Variants in LY75 observed in about 807,000 individuals in gnomAD.
LY75 encodes C-type lectin domain family 13 member B.
LY75 carries 185 observed loss-of-function variants against 231.7 expected under a neutral mutation model. The observed-to-expected ratio is 0.80, with a 90% CI of 0.71 to 0.90. LY75 has a LOEUF of 0.90. Ranked by LOEUF, LY75 falls within the 40% of genes least tolerant of loss-of-function variation. The pLI, the probability that LY75 is intolerant of heterozygous loss-of-function variation, is 0.00. For synonymous variants in LY75, 668 were observed against 689.0 expected (o/e 0.97, Z 0.48); for missense variants, 1,947 against 2,050.2 (o/e 0.95, Z 0.97).
At position 159,874,890 on chromosome 2, in the gene LY75, T is replaced by C. The variant is rs1026880673; in HGVS notation, c.1974+554A>G. ...TAAATATATATACATATATATTTTGTAAATATATAAACATATATATTTTAT... is the reference window on the plus strand; with the variant it reads ...TAAATATATATACATATATATTTTGCAAATATATAAACATATATATTTTAT... On this transcript the variant is annotated intron_variant, in intron 12 of 34. Coordinates refer to ENST00000263636, the MANE Select transcript of LY75 (RefSeq NM_002349.4). 6.0e-5 allele frequency among the ~76,000 whole-genome samples: 8 copies of C among 133,672 alleles called. No individual in the cohort carries two copies. The East Asian group carries it at 6.2e-4, about 10-fold the overall frequency. The allele number at this position is 133,672 out of a possible 152,430, so 87.7% of individuals were successfully genotyped here.
At position 159,854,938 on chromosome 2, in the gene LY75, G is replaced by A; in HGVS notation, c.2385C>T (p.Gly795=). The A allele has an allele frequency of 6.2e-7, 1 of 1,613,814 alleles. No individual in the cohort carries two copies. The highest frequency in any genetic ancestry group is 2.2e-5 in the East Asian group (1 of 44,814). The change falls in exon 17 of 35, where the codon GGC becomes GGT. Residue 795 remains glycine, a splice_region_variant and synonymous_variant. Transcript: ENST00000263636. The part of the protein sequence containing the change: ...KLEWVCQIPK[G]RTPKTPDWYN... ...ACCAGTCTGGTGTTTTTGGAGTACG[G>A]CCTGTATGAGGAAGAAAGCAAGTGG... is the stretch of plus-strand genomic sequence containing the variant.
intron 28 of LY75, among the ~76,000 whole-genome samples, chr2:159,823,231 A>G (rs535509985): frequency 1.7e-4 from 26 of 152,262 alleles, no homozygotes; most frequent in Admixed American, 3.9e-4. Flanking sequence ...TAACTAGAAT[A>G]CCCAGTGTAG....
chr2:159,847,211 A>G (rs542488624), intron 23 of LY75, among the ~76,000 whole-genome samples: 158 of 152,106 alleles, frequency 1.0e-3, no homozygotes, highest in African/African-American at 3.6e-3. Flanking sequence ...ACGGGGTTTC[A>G]CTGTGTTGCC....
intron 28 of LY75, among the ~76,000 whole-genome samples, chr2:159,820,124 T>C (rs1260263230): frequency 6.6e-6 from 1 of 152,226 alleles, no homozygotes; most frequent in Non-Finnish European, 1.5e-5. Context: ...ATACAAACTA[T>C]AAATATTGAC....
intron 12 of LY75, among the ~76,000 whole-genome samples, chr2:159,874,706 AT>A (rs1685184430): frequency 2.0e-5 from 1 of 50,298 alleles, no homozygotes; most frequent in African/African-American, 1.1e-4. Flanking sequence ...TTTTGTAAAT[AT>A]ATGTAAATAT....
intron 34 of LY75, 120 bp downstream of exon 34, chr2:159,806,853 G>T: frequency 8.3e-7 from 1 of 1,211,154 alleles, no homozygotes; most frequent in Non-Finnish European, 1.1e-6. Flanking sequence ...AAGATAGTTG[G>T]ATATACTTTA....
intron 4 of LY75, among the ~76,000 whole-genome samples, chr2:159,887,384 C>A (rs1248862069): frequency 2.0e-5 from 3 of 150,836 alleles, no homozygotes; most frequent in Non-Finnish European, 4.4e-5. Flanking sequence ...ACGGTGAAAC[C>A]CTGTCTCTAC....
chr2:159,865,219 A>T (rs994313726), intron 13 of LY75, among the ~76,000 whole-genome samples: 1 of 152,192 alleles, frequency 6.6e-6, no homozygotes, highest in Non-Finnish European at 1.5e-5. Flanking sequence ...ATATTAAACA[A>T]TACTTTCAGA....
chr2:159,826,969 C>A (rs1683490525), intron 28 of LY75, among the ~76,000 whole-genome samples: 1 of 152,064 alleles, frequency 6.6e-6, no homozygotes, highest in African/African-American at 2.4e-5. Context: ...CAAGATGGAT[C>A]AAAGACTTAA....
In LY75 at chr2:159,893,981, A is replaced by G. The variant is rs1685834915; in HGVS notation, c.570T>C (p.Ser190=). The part of the protein sequence containing the change: ...HHDCILDEDH[S]GPWCATTLNY... ...TTAAGGTGGTGGCACACCATGGCCC[A>G]CTATGATCTTCATCAAGAATGCAAT... Residue 190 remains serine (S), a synonymous_variant, in exon 3 of 35, where the codon AGT becomes AGC. Transcript: ENST00000263636. 1.2e-6 allele frequency: 2 copies of G among 1,613,970 alleles called. No individual in the cohort carries two copies. Among genetic ancestry groups the G allele is most frequent in the East Asian group, 4.5e-5 (2 of 44,880 alleles).
chr2:159,808,727 C>CTTCA (rs1682863901), intron 32 of LY75, 156 bp from the exon 33 acceptor site: 1 of 695,260 alleles, frequency 1.4e-6, no homozygotes, highest in Non-Finnish European at 1.8e-6. Flanking sequence ...GTATTTAGGT[C>CTTCA]AAAATTTTAT....
At chr2:159,869,861 A>T (rs891342424) in intron 13 of LY75, among the ~76,000 whole-genome samples, 1 of 152,102 alleles carries the variant, frequency 6.6e-6, no homozygotes, top group African/African-American at 2.4e-5. Context: ...TTTTGGTCTG[A>T]ATTTTGCATT....
intron 11 of LY75, among the ~76,000 whole-genome samples, chr2:159,876,711 A>T (rs73000753): frequency 6.6e-6 from 1 of 151,918 alleles, no homozygotes; most frequent in Non-Finnish European, 1.5e-5. Flanking sequence ...CTTAGTGTCT[A>T]TAAAACAAAT....
At chr2:159,896,056 C>A (rs1685901441) in intron 2 of LY75, among the ~76,000 whole-genome samples, 1 of 152,162 alleles carries the variant, frequency 6.6e-6, no homozygotes, top group Non-Finnish European at 1.5e-5. Context: ...AGAAAACTAG[C>A]AAATTAATGT....
intron 19 of LY75, 30 bp from the exon 20 acceptor site, chr2:159,853,382 G>C (rs367785901): frequency 1.2e-6 from 2 of 1,608,494 alleles, no homozygotes; most frequent in East Asian, 2.2e-5. Context: ...TTGACAACTC[G>C]TAATGTAATT....
intron 12 of LY75, among the ~76,000 whole-genome samples, chr2:159,874,841 A>T (rs868655913): frequency 0.11 from 2,903 of 25,666 alleles, 147 homozygotes; most frequent in African/African-American, 0.13. Flanking sequence ...TTTTGTAAAT[A>T]TATGTAAATA....
intron 25 of LY75, among the ~76,000 whole-genome samples, chr2:159,838,841 G>T (rs1316941498): frequency 6.6e-6 from 1 of 152,062 alleles, no homozygotes; most frequent in Non-Finnish European, 1.5e-5. Flanking sequence ...TGTCGCCCAG[G>T]CTGGAATGCA....
chr2:159,816,916 G>A lies in LY75; in HGVS notation c.4270C>T (p.Gln1424Ter), dbSNP rs763568097. Residue 1424 changes from glutamine (Q) to a stop codon, truncating the protein, a stop_gained, in exon 30 of 35, where the codon CAA becomes TAA. Coordinates refer to ENST00000263636, the MANE Select transcript of LY75 (RefSeq NM_002349.4). LOFTEE classifies it high-confidence loss of function. ...ACGCTTGCCAAGTGACCTCCACTTTGAGAACACATGTTTAATGCTTCATAC... is the reference window on the plus strand; with the variant it reads ...ACGCTTGCCAAGTGACCTCCACTTTAAGAACACATGTTTAATGCTTCATAC... ...TWYEALNMCSQSGGHLASVHN... is the reference protein window; with the variant it reads ...TWYEALNMCS 1 of 1,614,160 alleles carries A rather than the reference G, an allele frequency of 6.2e-7. No individual in the cohort carries two copies. Among genetic ancestry groups the A allele is most frequent in the South Asian group, 1.1e-5 (1 of 91,088 alleles).
intron 28 of LY75, among the ~76,000 whole-genome samples, chr2:159,830,523 TG>T (rs1397946820): frequency 1.3e-5 from 2 of 152,032 alleles, no homozygotes; most frequent in African/African-American, 4.8e-5. Context: ...TTTGGATTGG[TG>T]GTATTTAGTC....
Sources: gnomAD v4.1 joint callset for allele counts (sites outside exome capture counted in the v4.1 genomes callset) on GRCh38, gnomAD v4.1.1 for gene constraint, MANE v1.5 for transcripts, NCBI Gene and HGNC (gene_info 2026-07-23, HGNC 2026-07-21) for gene names.